SLC30A10: variants seen among roughly 807,000 people sequenced by gnomAD.
SLC30A10 encodes calcium/manganese antiporter SLC30A10.
In SLC30A10, 8 loss-of-function variants were observed where a neutral mutation model predicts 21.7. That is an observed-to-expected ratio of 0.37 (90% CI 0.22 to 0.67). The LOEUF is 0.67. Among genes scored for constraint, SLC30A10 ranks in the 30% least tolerant of loss-of-function variants. SLC30A10 has a pLI of 0.58. For missense variants in SLC30A10, 521 were observed against 642.5 expected (o/e 0.81, Z 2.04); for synonymous variants, 272 against 279.4 (o/e 0.97, Z 0.26).
intron 1 of SLC30A10, among the ~76,000 whole-genome samples, chr1:219,946,848 T>C (rs1444948947): frequency 2.6e-5 from 4 of 152,210 alleles, no homozygotes; most frequent in African/African-American, 9.7e-5. Flanking sequence ...ACTGAGCTAC[T>C]ATTTTCATTG....
chr1:219,918,108 T>C lies in SLC30A10; in HGVS notation c.958+147A>G. ...GGAGCTGAGTCATCTTAATAGGCTA[T>C]AAAACATATGATGACATCTCTACCA... On this transcript the variant is annotated intron_variant, in intron 3 of 3. Coordinates refer to ENST00000366926, the MANE Select transcript of SLC30A10 (RefSeq NM_018713.3). The surrounding 1 kb of genome is among the most constrained non-coding windows in gnomAD (Gnocchi z 4.4). 2 of 1,098,610 alleles carry C rather than the reference T, an allele frequency of 1.8e-6. No homozygotes were observed. The highest frequency in any genetic ancestry group is 2.6e-6 in the Non-Finnish European group (2 of 763,782). 68.1% of individuals were successfully genotyped at this position (1,098,610 alleles called of 1,614,324 possible).
intron 1 of SLC30A10, among the ~76,000 whole-genome samples, chr1:219,952,148 C>T (rs1433326725): frequency 6.6e-6 from 1 of 152,154 alleles, no homozygotes; most frequent in Non-Finnish European, 1.5e-5. Context: ...TCATTAGTTC[C>T]TCTTCCCTTC....
chr1:219,939,268 C>A (rs1660086061), intron 1 of SLC30A10, among the ~76,000 whole-genome samples: 1 of 152,166 alleles, frequency 6.6e-6, no homozygotes, highest in African/African-American at 2.4e-5. Context: ...TGCACCTCTA[C>A]CATCAGTGGG....
rs1659900657 is a variant in SLC30A10, at chr1:219,928,378, G to A, written c.63C>T (p.Phe21=). ...AGCCGGAGACCAGCTCCGCCACGAAGAAGGCGACGGTGAGCACCAGCATGA... is the reference window on the plus strand; with the variant it reads ...AGCCGGAGACCAGCTCCGCCACGAAAAAGGCGACGGTGAGCACCAGCATGA... ...LLFMLVLTVA[F]FVAELVSGYL... The change falls in exon 1 of 4, where the codon TTC becomes TTT. Residue 21 remains phenylalanine (F), a synonymous_variant. Coordinates refer to ENST00000366926, the MANE Select transcript of SLC30A10 (RefSeq NM_018713.3). The surrounding 1 kb of genome is among the most constrained non-coding windows in gnomAD (Gnocchi z 6.3). 1.9e-6 allele frequency: 3 copies of A among 1,613,550 alleles called. No individual in the cohort carries two copies. The South Asian group carries it at 3.3e-5, about 18-fold the overall frequency.
chr1:219,954,993 G>GA (rs1441110821), intron 1 of SLC30A10, among the ~76,000 whole-genome samples: 1 of 152,008 alleles, frequency 6.6e-6, no homozygotes, highest in African/African-American at 2.4e-5. Flanking sequence ...CTTCAGGTCT[G>GA]AAAAAATAAC....
In SLC30A10 at chr1:219,915,220, G is replaced by C. The variant is rs1659503987; in HGVS notation, c.*229C>G. On this transcript the variant is annotated 3_prime_UTR_variant, in exon 4 of 4. Transcript: ENST00000366926. ...GCTTTAGAAAATGCATGTTCAAGCT[G>C]AAACAGTCAAAGAGCAGCATGAGAC... 4 of 567,030 alleles carry C rather than the reference G, an allele frequency of 7.1e-6. No homozygotes were observed. The highest frequency in any genetic ancestry group is 6.4e-5 in the Admixed American group (2 of 31,470). The allele number at this position is 567,030 out of a possible 1,614,324, so 35.1% of individuals were successfully genotyped here. A position where few individuals can be genotyped will look rare whatever the true frequency, so the allele number is the denominator to read the frequency against.
intron 1 of SLC30A10, among the ~76,000 whole-genome samples, chr1:219,947,766 G>T (rs1558260643): frequency 6.6e-6 from 1 of 152,060 alleles, no homozygotes; most frequent in South Asian, 2.1e-4. Flanking sequence ...GGGGGCAGAG[G>T]TTGCAGTGAG....
At position 219,912,334 on chromosome 1, in the gene SLC30A10, G is replaced by GA. The variant is rs980000648; in HGVS notation, c.*3114dup. On this transcript the variant is annotated 3_prime_UTR_variant, in exon 4 of 4. Coordinates refer to ENST00000366926, the MANE Select transcript of SLC30A10 (RefSeq NM_018713.3). ...GGTATTCATAATGGCCCAATATCAT[G>GA]AAAAAAATTAATTATATTTTCAAAA... 1.3e-5 allele frequency among the ~76,000 whole-genome samples: 2 copies of GA among 151,920 alleles called. No homozygotes were observed. The highest frequency in any genetic ancestry group is 4.8e-5 in the African/African-American group (2 of 41,344).
intron 1 of SLC30A10, among the ~76,000 whole-genome samples, chr1:219,937,954 C>T (rs1433269786): frequency 2.0e-5 from 3 of 152,028 alleles, no homozygotes; most frequent in East Asian, 1.9e-4. Flanking sequence ...CCCTAGCCAC[C>T]GGAGTTCTGA....
intron 1 of SLC30A10, among the ~76,000 whole-genome samples, chr1:219,947,693 C>T (rs943730095): frequency 6.6e-6 from 1 of 152,052 alleles, no homozygotes; most frequent in African/African-American, 2.4e-5. Flanking sequence ...TGGCTCACAC[C>T]TGTAATCACG....
At chr1:219,940,259 T>C (rs1660103524) in intron 1 of SLC30A10, among the ~76,000 whole-genome samples, 1 of 152,202 alleles carries the variant, frequency 6.6e-6, no homozygotes, top group Non-Finnish European at 1.5e-5. Context: ...CAGTCACGTG[T>C]AGGTGGTCCA....
In SLC30A10 at chr1:219,913,544, T is replaced by C. The variant is rs148176793; in HGVS notation, c.*1905A>G. 33 of 152,316 alleles carry C rather than the reference T, an allele frequency of 2.2e-4. No individual in the cohort carries two copies. In the East Asian group the frequency reaches 3.9e-3, roughly 18 times the overall value. The allele number at this position is 152,316 out of a possible 1,614,324, so 9.4% of individuals were successfully genotyped here. On this transcript the variant is annotated 3_prime_UTR_variant, in exon 4 of 4. Coordinates refer to ENST00000366926, the MANE Select transcript of SLC30A10 (RefSeq NM_018713.3). ...TCTAAGGAATTTCAACCAATGTTTA[T>C]GTAGGAGAATCTGGCCCACTGATCT...
intron 1 of SLC30A10, among the ~76,000 whole-genome samples, chr1:219,935,565 T>C (rs1660034117): frequency 1.3e-5 from 2 of 152,268 alleles, no homozygotes; most frequent in Admixed American, 1.3e-4. Flanking sequence ...ACTCAACTTC[T>C]GAGCCTCTAT....
At chr1:219,927,671 ACAACAAC>A (rs1659869754) in intron 1 of SLC30A10, 123 bp downstream of exon 1, 18 of 531,820 alleles carry the variant, frequency 3.4e-5, no homozygotes, top group African/African-American at 5.5e-5. Context: ...AAAAAAAACA[ACAACAAC>A]AAAAAAAAAA....
At position 219,915,552 on chromosome 1, in the gene SLC30A10, T is replaced by C. The variant is rs767396361; in HGVS notation, c.1355A>G (p.Glu452Gly). The change falls in exon 4 of 4, where the codon GAA (glutamate) becomes GGA (glycine). Residue 452 changes from glutamate to glycine, a missense_variant. Glu to Gly is a moderately conservative substitution (Grantham distance 98). Transcript: ENST00000366926. Reference sequence around the variant, plus strand: ...ATCCAAAGACACTTCAATAGCCACTTCTCTTGCGTCTCTTCTACTGAGGCC... The same window carrying C: ...ATCCAAAGACACTTCAATAGCCACTCCTCTTGCGTCTCTTCTACTGAGGCC... ...SDGLSRRDAREVAIEVSLDSC... is the reference protein window; with the variant it reads ...SDGLSRRDARGVAIEVSLDSC... The C allele has an allele frequency of 3.7e-6, 6 of 1,614,234 alleles. No homozygotes were observed. Among genetic ancestry groups the C allele is most frequent in the Non-Finnish European group, 5.1e-6 (6 of 1,180,042 alleles).
intron 1 of SLC30A10, among the ~76,000 whole-genome samples, chr1:219,952,391 T>C (rs1162684518): frequency 6.6e-6 from 1 of 152,232 alleles, no homozygotes; most frequent in East Asian, 1.9e-4. Flanking sequence ...GGATTCAACT[T>C]ATGGTATGTT....
In SLC30A10 at chr1:219,954,680, C is replaced by CA. The variant is rs11325622; in HGVS notation, n.80+3887dup. ...TGGGCAACAGAGTGAGACTCCATCT[C>CA]AAAAAAAAAAAAAAAAAAAAAAAAC... On this transcript the variant is annotated intron_variant and non_coding_transcript_variant, in intron 1 of 8. Coordinates refer to the SLC30A10 transcript ENST00000484239. Among the ~76,000 whole-genome samples, 721 of 88,976 alleles carry CA rather than the reference C, an allele frequency of 8.1e-3. 4 individuals carry two copies. Among genetic ancestry groups the CA allele is most frequent in the Middle Eastern group, 9.3e-3 (1 of 108 alleles). 58.4% of individuals were successfully genotyped at this position (88,976 alleles called of 152,430 possible). A position where few individuals can be genotyped will look rare whatever the true frequency, so the allele number is the denominator to read the frequency against.
chr1:219,956,681 GA>G (rs1660359372), intron 1 of SLC30A10, among the ~76,000 whole-genome samples: 2 of 148,874 alleles, frequency 1.3e-5, no homozygotes, highest in South Asian at 4.2e-4. Flanking sequence ...AAAAAAAGAA[GA>G]AAAGAAAAAA....
chr1:219,916,097 G>T, intron 3 of SLC30A10, 149 bp from the exon 4 acceptor site: 2 of 934,846 alleles, frequency 2.1e-6, no homozygotes, highest in Non-Finnish European at 1.6e-6. Context: ...CTACCTCTGT[G>T]GGTACATTTG....
Sources: allele counts gnomAD v4.1 joint callset (sites outside exome capture counted in the v4.1 genomes callset), GRCh38; gene constraint gnomAD v4.1.1; non-coding constraint Gnocchi (gnomAD v3.1); transcripts MANE v1.5; gene names NCBI Gene and HGNC (gene_info 2026-07-23, HGNC 2026-07-21).